Variants in PIK3R6 observed in about 807,000 individuals in gnomAD.
The protein encoded by PIK3R6 is phosphoinositide 3-kinase regulatory subunit 6.
A neutral mutation model predicts 84.9 loss-of-function variants in PIK3R6; 91 were observed. That is an observed-to-expected ratio of 1.07 (90% CI 0.90 to 1.28). The LOEUF (loss-of-function observed/expected upper bound fraction) is 1.28, where lower values mean the gene tolerates loss of function less well. PIK3R6 is among the 50% of genes most tolerant of loss of function. PIK3R6 has a pLI of 0.00. For missense variants in PIK3R6, 996 were observed against 985.1 expected (o/e 1.01, Z -0.15); for synonymous variants, 416 against 411.4 (o/e 1.01, Z -0.13).
chr17:8,814,385 A>G (rs938134264), intron 18 of PIK3R6, among the ~76,000 whole-genome samples: 16 of 151,536 alleles, frequency 1.1e-4, no homozygotes, highest in Middle Eastern at 3.2e-3. Flanking sequence ...ATGCCCAGAT[A>G]ATTTTTGTAT....
At chr17:8,824,754 T>C (rs1225716470) in intron 13 of PIK3R6, among the ~76,000 whole-genome samples, 1 of 152,132 alleles carries the variant, frequency 6.6e-6, no homozygotes, top group Non-Finnish European at 1.5e-5. Flanking sequence ...GCATCCAAGT[T>C]TCAAGGAAAA....
intron 2 of PIK3R6, among the ~76,000 whole-genome samples, chr17:8,843,024 G>A (rs2088724440): frequency 6.6e-6 from 1 of 152,144 alleles, no homozygotes; most frequent in Non-Finnish European, 1.5e-5. Context: ...GCCCCCACTT[G>A]GCAAGGCCTG....
At position 8,828,885 on chromosome 17, in the gene PIK3R6, C is replaced by A; in HGVS notation, c.995G>T (p.Arg332Leu). 1 of 1,576,474 alleles carries A rather than the reference C, an allele frequency of 6.3e-7. No homozygotes were observed. Among genetic ancestry groups the A allele is most frequent in the Non-Finnish European group, 8.6e-7 (1 of 1,160,714 alleles). Residue 332 changes from arginine to leucine, a missense_variant, in exon 11 of 20, where the codon CGG becomes CTG. By Grantham distance (102) the Arg-to-Leu change is moderately radical. Coordinates refer to ENST00000619866, the MANE Select transcript of PIK3R6 (RefSeq NM_001010855.4). ...QGLRPDRELARVSVLSTDSGI... is the reference protein window; with the variant it reads ...QGLRPDRELALVSVLSTDSGI... ...GCTGTCAGTGGACAGCACAGAAACC[C>A]GGGCCAACTCCCGGTCCGGCCGGAG...
intron 17 of PIK3R6, among the ~76,000 whole-genome samples, chr17:8,820,849 G>C (rs2087711447): frequency 6.6e-6 from 1 of 152,194 alleles, no homozygotes; most frequent in Admixed American, 6.5e-5. Context: ...AAATACTCGT[G>C]GTTGGATAGG....
At chr17:8,824,328 C>T (rs951909036) in intron 13 of PIK3R6, among the ~76,000 whole-genome samples, 2 of 152,156 alleles carry the variant, frequency 1.3e-5, no homozygotes, top group African/African-American at 4.8e-5. Context: ...TGCGTCTTGT[C>T]CTCCAGTCCT....
At chr17:8,818,065 G>A (rs959152906) in intron 18 of PIK3R6, among the ~76,000 whole-genome samples, 2 of 152,192 alleles carry the variant, frequency 1.3e-5, no homozygotes, top group African/African-American at 4.8e-5. Flanking sequence ...GGAGGAAAGG[G>A]CTGAGTGATC....
intron 1 of PIK3R6, among the ~76,000 whole-genome samples, chr17:8,861,181 C>CAAA (rs35125812): frequency 7.3e-5 from 7 of 95,638 alleles, no homozygotes; most frequent in Non-Finnish European, 1.0e-4. Flanking sequence ...GACTCTGTCT[C>CAAA]AAAAAAAAAA....
intron 4 of PIK3R6, chr17:8,838,332 G>C (rs930675732): frequency 1.0e-5 from 5 of 494,748 alleles, no homozygotes; most frequent in Non-Finnish European, 1.8e-5. Context: ...TTTTCCATTT[G>C]TGGTCGCGTT....
intron 3 of PIK3R6, 30 bp from the exon 4 acceptor site, chr17:8,838,685 G>T: frequency 3.2e-6 from 5 of 1,557,234 alleles, no homozygotes; most frequent in South Asian, 2.4e-5. Context: ...AGCCCGGCAT[G>T]AGCAGGTGGG....
At chr17:8,849,121 G>T (rs1380841278) in intron 2 of PIK3R6, among the ~76,000 whole-genome samples, 1 of 152,014 alleles carries the variant, frequency 6.6e-6, no homozygotes, top group Non-Finnish European at 1.5e-5. Context: ...CCACTTTCTG[G>T]CTTTGCCACT....
chr17:8,860,864 C>T (rs118086788), intron 1 of PIK3R6, among the ~76,000 whole-genome samples: 1,690 of 152,184 alleles, frequency 0.011, 7 homozygotes, highest in Non-Finnish European at 0.017. Flanking sequence ...CCAGCACTAT[C>T]AGCCTGTCCA....
intron 16 of PIK3R6, 36 bp downstream of exon 16, chr17:8,822,551 C>A (rs772511072): frequency 5.6e-6 from 9 of 1,608,322 alleles, no homozygotes; most frequent in Admixed American, 3.3e-5. Flanking sequence ...AGCTGTACCT[C>A]TTGGCTACCT....
At chr17:8,824,298 G>A (rs1018527953) in intron 13 of PIK3R6, among the ~76,000 whole-genome samples, 19 of 152,294 alleles carry the variant, frequency 1.2e-4, no homozygotes, top group African/African-American at 3.1e-4. Context: ...TCAGGTTTGC[G>A]TGTTATTGGG....
intron 18 of PIK3R6, among the ~76,000 whole-genome samples, chr17:8,813,431 A>G (rs1260439089): frequency 6.6e-6 from 1 of 152,184 alleles, no homozygotes; most frequent in Admixed American, 6.5e-5. Flanking sequence ...CTGATACCAA[A>G]GCTAGGCAAG....
rs1219361047 is a variant in PIK3R6 at position 8,839,742 on chromosome 17, C to T, written c.14-45G>A. ...GGAGGAAACTCAGTCCACTGAACCT[C>T]ACCCTCGTCCCACCTCCATTCCTTC... On this transcript the variant is annotated intron_variant, in intron 2 of 19. Coordinates refer to ENST00000619866, the MANE Select transcript of PIK3R6 (RefSeq NM_001010855.4). The surrounding 1 kb of genome is among the most constrained non-coding windows in gnomAD (Gnocchi z 4.2). 1.4e-6 allele frequency: 2 copies of T among 1,454,234 alleles called. No homozygotes were observed. Among genetic ancestry groups the T allele is most frequent in the African/African-American group, 1.4e-5 (1 of 70,678 alleles). 90.1% of individuals were successfully genotyped at this position (1,454,234 alleles called of 1,614,324 possible). A position where few individuals can be genotyped will look rare whatever the true frequency, so the allele number is the denominator to read the frequency against.
chr17:8,829,838 A>G, intron 9 of PIK3R6, 46 bp from the exon 10 acceptor site: 1 of 1,454,210 alleles, frequency 6.9e-7, no homozygotes, highest in Non-Finnish European at 9.4e-7. Flanking sequence ...AGGCCATGGG[A>G]CCCTCCTCTG....
At chr17:8,853,823 T>A (rs965905928) in intron 1 of PIK3R6, among the ~76,000 whole-genome samples, 1 of 148,750 alleles carries the variant, frequency 6.7e-6, no homozygotes, top group Non-Finnish European at 1.5e-5. Flanking sequence ...ATTAGCTGGG[T>A]GTGGTGGCAT....
chr17:8,828,427 G>T, intron 11 of PIK3R6, 140 bp downstream of exon 11: 2 of 1,133,736 alleles, frequency 1.8e-6, no homozygotes, highest in South Asian at 1.5e-5. Context: ...TGCGGGCACT[G>T]TGCGGCATCC....
At chr17:8,867,212 G>A (rs547278993) in intron 1 of PIK3R6, among the ~76,000 whole-genome samples, 6 of 152,260 alleles carry the variant, frequency 3.9e-5, no homozygotes, top group South Asian at 4.1e-4. Context: ...CTGCAGCACC[G>A]GGCATCAATC....
Sources: allele counts gnomAD v4.1 joint callset (sites outside exome capture counted in the v4.1 genomes callset), GRCh38; gene constraint gnomAD v4.1.1; non-coding constraint Gnocchi (gnomAD v3.1); transcripts MANE v1.5; gene names NCBI Gene and HGNC (gene_info 2026-07-23, HGNC 2026-07-21).